PNPLA8: variants seen among roughly 807,000 people sequenced by gnomAD.
The protein encoded by PNPLA8 is patatin like domain 8, phospholipase A2.
Under a neutral mutation model 76.9 loss-of-function variants are expected in PNPLA8, and 39 were observed. The ratio of observed to expected loss-of-function variants is 0.51; its 90% confidence interval spans 0.39 to 0.66. The LOEUF (loss-of-function observed/expected upper bound fraction) is 0.66. Ranked by LOEUF, PNPLA8 falls within the 30% of genes least tolerant of loss-of-function variation. The pLI, the probability that PNPLA8 is intolerant of heterozygous loss-of-function variation, is 0.00. For synonymous variants in PNPLA8, 301 were observed against 307.9 expected, an observed-to-expected ratio of 0.98 and a Z score of 0.24; for missense variants, 887 against 918.0, an observed-to-expected ratio of 0.97 and a Z score of 0.44.
rs1861168221 is a variant in PNPLA8 at position 108,491,527 on chromosome 7, G to A, written c.1626-60C>T. Reference sequence around the variant, plus strand: ...AATGACTTTATCTCCTAACAACCAGGAAACATACAGTATGCAATTACTATT... The same window carrying A: ...AATGACTTTATCTCCTAACAACCAGAAAACATACAGTATGCAATTACTATT... On this transcript the variant is annotated intron_variant, in intron 7 of 10. Transcript: ENST00000257694. The A allele has an allele frequency of 6.9e-6, 7 of 1,014,208 alleles. No individual in the cohort carries two copies. The Admixed American group carries it at 1.2e-4, about 17-fold the overall frequency. The allele number at this position is 1,014,208 out of a possible 1,614,324, so 62.8% of individuals were successfully genotyped here. A position where few individuals can be genotyped will look rare whatever the true frequency, so the allele number is the denominator to read the frequency against.
chr7:108,525,073 T>C lies in PNPLA8; in HGVS notation c.-130+956A>G, dbSNP rs192493357. ...TTACAAGATTTTAATTTAGTCCTGA[T>C]ATAGAAATAAAAAAAGAGATCAACA... On this transcript the variant is annotated intron_variant, in intron 1 of 10. Transcript: ENST00000257694. Among the ~76,000 whole-genome samples the C allele has an allele frequency of 2.8e-4, 42 of 152,140 alleles. No individual in the cohort carries two copies. In the East Asian group the frequency reaches 7.1e-3, roughly 26 times the overall value.
chr7:108,488,178 T>A (rs1433258312), intron 8 of PNPLA8, among the ~76,000 whole-genome samples: 1 of 152,164 alleles, frequency 6.6e-6, no homozygotes, highest in Non-Finnish European at 1.5e-5. Context: ...AGAATAATAA[T>A]AAAAGAGATT....
In PNPLA8 at chr7:108,514,572, C is replaced by T; in HGVS notation, c.920G>A (p.Gly307Asp). The T allele has an allele frequency of 6.2e-7, 1 of 1,614,052 alleles. No homozygotes were observed. ...GVQALVGGYI[G>D]GLVPKLKYDS... ...ATACTTTAATTTGGGGACAAGTCCA[C>T]CAATATAACCACCTACTAAAGCTTG... The change falls in exon 3 of 11, where the codon GGT becomes GAT. Residue 307 changes from glycine to aspartate, a missense_variant. Gly to Asp is a moderately conservative substitution (Grantham distance 94). Coordinates refer to ENST00000257694, the MANE Select transcript of PNPLA8 (RefSeq NM_001256007.3).
At chr7:108,514,022 A>C (rs1863118936) in intron 4 of PNPLA8, 122 bp downstream of exon 4, 1 of 678,144 alleles carries the variant, frequency 1.5e-6, no homozygotes, top group East Asian at 2.5e-5. Flanking sequence ...AATACACATC[A>C]CATGTATAAT....
chr7:108,473,185 T>G (rs552229363), intron 10 of PNPLA8, among the ~76,000 whole-genome samples: 3 of 152,196 alleles, frequency 2.0e-5, no homozygotes, highest in Non-Finnish European at 2.9e-5. Flanking sequence ...ACAAACAGAA[T>G]CAAAAGTATC....
chr7:108,521,121 G>A (rs1021176240), intron 2 of PNPLA8, among the ~76,000 whole-genome samples: 1 of 151,988 alleles, frequency 6.6e-6, no homozygotes, highest in Non-Finnish European at 1.5e-5. Context: ...CACCTGCAGA[G>A]AGGATCAGCA....
chr7:108,525,470 T>C (rs1027758910), intron 1 of PNPLA8, among the ~76,000 whole-genome samples: 1 of 152,196 alleles, frequency 6.6e-6, no homozygotes, highest in African/African-American at 2.4e-5. Flanking sequence ...AGCACAATGA[T>C]AGAAATGACA....
intron 2 of PNPLA8, among the ~76,000 whole-genome samples, chr7:108,520,386 T>G (rs1005956595): frequency 6.6e-6 from 1 of 152,132 alleles, no homozygotes; most frequent in African/African-American, 2.4e-5. Context: ...AAATTGGATC[T>G]CATGGAGATA....
Position 108,507,432 on chromosome 7 carries a change from T to C in PNPLA8, c.1207-4790A>G, listed in dbSNP as rs544562685. Among the ~76,000 whole-genome samples the C allele has an allele frequency of 6.6e-5, 10 of 151,142 alleles. 1 individual carries two copies. The South Asian group carries it at 1.5e-3, about 22-fold the overall frequency. Reference sequence around the variant, plus strand: ...TACTTTGGGAGGCAAGGCAGGCAGATTGCTTGAGCCCAAGAATTCGGGATC... The same window carrying C: ...TACTTTGGGAGGCAAGGCAGGCAGACTGCTTGAGCCCAAGAATTCGGGATC... On this transcript the variant is annotated intron_variant, in intron 4 of 10. Transcript: ENST00000257694.
intron 10 of PNPLA8, among the ~76,000 whole-genome samples, chr7:108,478,700 AT>A (rs1464023550): frequency 6.6e-6 from 1 of 152,062 alleles, no homozygotes; most frequent in Non-Finnish European, 1.5e-5. Flanking sequence ...CCTAATTTGC[AT>A]TTTAAAAGGA....
At chr7:108,521,973 C>T (rs1048488593) in intron 1 of PNPLA8, among the ~76,000 whole-genome samples, 1 of 152,116 alleles carries the variant, frequency 6.6e-6, no homozygotes, top group Non-Finnish European at 1.5e-5. Context: ...CTCCAGCATT[C>T]ACATCAACAC....
At chr7:108,474,772 A>G (rs1458478324) in intron 10 of PNPLA8, among the ~76,000 whole-genome samples, 1 of 152,224 alleles carries the variant, frequency 6.6e-6, no homozygotes, top group Non-Finnish European at 1.5e-5. Context: ...ACTCTCTATT[A>G]CATACCATTG....
At chr7:108,492,352 T>C (rs2154515396) in intron 7 of PNPLA8, among the ~76,000 whole-genome samples, 1 of 152,334 alleles carries the variant, frequency 6.6e-6, no homozygotes, top group Non-Finnish European at 1.5e-5. Flanking sequence ...ACCTGATCTA[T>C]ACATTTCTAC....
intron 1 of PNPLA8, among the ~76,000 whole-genome samples, chr7:108,524,321 A>G (rs1203231325): frequency 1.3e-5 from 2 of 152,174 alleles, no homozygotes; most frequent in African/African-American, 4.8e-5. Flanking sequence ...TTCAAACACG[A>G]AACTCTGGTT....
chr7:108,510,917 G>A lies in PNPLA8; in HGVS notation c.1206+3227C>T, dbSNP rs1200103460. 6.9e-6 allele frequency: 11 copies of A among 1,585,990 alleles called. No individual in the cohort carries two copies. The South Asian group carries it at 8.8e-5, about 13-fold the overall frequency. ...GAAAAAGACCACCCATTTTGTAGAA[G>A]GTGGAGATGCTGGCAACAGGGAGGA... On this transcript the variant is annotated intron_variant, in intron 4 of 10. Coordinates refer to ENST00000257694, the MANE Select transcript of PNPLA8 (RefSeq NM_001256007.3).
At chr7:108,512,945 T>C (rs956777185) in intron 4 of PNPLA8, among the ~76,000 whole-genome samples, 1 of 152,196 alleles carries the variant, frequency 6.6e-6, no homozygotes, top group African/African-American at 2.4e-5. Context: ...GTAGTACAAC[T>C]GGCCTTGTAA....
intron 4 of PNPLA8, among the ~76,000 whole-genome samples, chr7:108,506,118 C>T (rs1472300222): frequency 6.6e-6 from 1 of 152,214 alleles, no homozygotes; most frequent in Non-Finnish European, 1.5e-5. Flanking sequence ...TGGCTCACGG[C>T]TGTAATCCCA....
chr7:108,478,749 C>G (rs1318075613), intron 10 of PNPLA8, among the ~76,000 whole-genome samples: 1 of 152,114 alleles, frequency 6.6e-6, no homozygotes, highest in Non-Finnish European at 1.5e-5. Flanking sequence ...ACTATAGGGG[C>G]AGCAAGAGTA....
intron 4 of PNPLA8, chr7:108,510,894 A>C (rs1862870213): frequency 6.9e-6 from 11 of 1,590,948 alleles, no homozygotes; most frequent in Non-Finnish European, 8.5e-6. Context: ...GGAATGAAGA[A>C]AAAGACCACC....
Sources: allele counts gnomAD v4.1 joint callset (sites outside exome capture counted in the v4.1 genomes callset), GRCh38; gene constraint gnomAD v4.1.1; transcripts MANE v1.5; gene names NCBI Gene and HGNC (gene_info 2026-07-23, HGNC 2026-07-21).